SEMA3A: variants seen among roughly 807,000 people sequenced by gnomAD.
SEMA3A encodes the protein semaphorin-3A.
Under a neutral mutation model 97.9 loss-of-function variants are expected in SEMA3A, and 29 were observed. That is an observed-to-expected ratio of 0.30 (90% CI 0.22 to 0.40). SEMA3A has a LOEUF of 0.40. Among genes scored for constraint, SEMA3A ranks in the 10% least tolerant of loss-of-function variants. The pLI, the probability that SEMA3A is intolerant of heterozygous loss-of-function variation, is 1.00. For missense variants in SEMA3A, 763 were observed against 951.3 expected (o/e 0.80, Z 2.60); for synonymous variants, 321 against 323.7 (o/e 0.99, Z 0.09).
rs953640835 is a variant in SEMA3A at position 84,376,496 on chromosome 7, T to C, written c.-245-4596A>G. 3.4e-4 allele frequency among the ~76,000 whole-genome samples: 46 copies of C among 135,012 alleles called. 3 individuals carry two copies. The highest frequency in any genetic ancestry group is 1.1e-3 in the East Asian group (4 of 3,730). 88.6% of individuals were successfully genotyped at this position (135,012 alleles called of 152,430 possible). A position where few individuals can be genotyped will look rare whatever the true frequency, so the allele number is the denominator to read the frequency against. On this transcript the variant is annotated intron_variant, in intron 1 of 3. Transcript: ENST00000424555. ...GCGGGCGCCTGTAGTCCCAGCTACT[T>C]GGGAGGCTGAGGCAGGAGAATGGCG...
intron 3 of SEMA3A, among the ~76,000 whole-genome samples, chr7:84,232,055 C>CAT (rs992279557): frequency 2.9e-4 from 43 of 149,196 alleles, no homozygotes; most frequent in South Asian, 2.3e-3. Context: ...TGTGTGTGTT[C>CAT]ATATATATAT....
chr7:84,227,130 A>T lies in SEMA3A; in HGVS notation c.-82-32462T>A, dbSNP rs79985432. Among the ~76,000 whole-genome samples the T allele has an allele frequency of 0.013, 1,939 of 151,918 alleles. 63 individuals are homozygous for T. The East Asian group carries it at 0.15, about 11-fold the overall frequency. ...TTTTCTCTATTGGCGATATCTATTT[A>T]TATCTATATAGATATCTATATATCT... On this transcript the variant is annotated intron_variant, in intron 3 of 3. Transcript: ENST00000424555.
intron 1 of SEMA3A, among the ~76,000 whole-genome samples, chr7:84,406,793 A>T (rs1176657150): frequency 6.6e-6 from 1 of 152,226 alleles, no homozygotes. Context: ...AGAACCAAAG[A>T]CAAAAACCAC....
intron 2 of SEMA3A, among the ~76,000 whole-genome samples, chr7:84,336,396 ACTT>A (rs766330465): frequency 1.5e-4 from 23 of 152,002 alleles, no homozygotes; most frequent in African/African-American, 4.1e-4. Context: ...GCTCTGGAAA[ACTT>A]CTTCTTTTTT....
chr7:84,209,625 CA>C (rs1369098091), intron 3 of SEMA3A, among the ~76,000 whole-genome samples: 1 of 152,040 alleles, frequency 6.6e-6, no homozygotes, highest in African/African-American at 2.4e-5. Flanking sequence ...AAATTACTGG[CA>C]ATATTTAATT....
chr7:84,246,502 TAA>T (rs1799480290), intron 3 of SEMA3A, among the ~76,000 whole-genome samples: 1 of 152,078 alleles, frequency 6.6e-6, no homozygotes, highest in Non-Finnish European at 1.5e-5. Flanking sequence ...CAAATTAAAA[TAA>T]GACAGAGGTT....
At chr7:84,110,155 A>G (rs1405173495) in intron 4 of SEMA3A, among the ~76,000 whole-genome samples, 1 of 152,144 alleles carries the variant, frequency 6.6e-6, no homozygotes, top group East Asian at 1.9e-4. Context: ...AAGGCTGGCA[A>G]TATACAAATG....
intron 4 of SEMA3A, among the ~76,000 whole-genome samples, chr7:84,102,332 T>C (rs1223835323): frequency 6.6e-6 from 1 of 152,198 alleles, no homozygotes; most frequent in Non-Finnish European, 1.5e-5. Context: ...GTAATGTTTC[T>C]ATTGTGAAAT....
intron 5 of SEMA3A, among the ~76,000 whole-genome samples, chr7:84,049,827 T>C (rs1583872467): frequency 6.7e-6 from 1 of 149,514 alleles, no homozygotes; most frequent in East Asian, 2.0e-4. Context: ...ACTCATCATC[T>C]AGCATTAGGT....
chr7:84,436,464 G>A (rs1805133555), intron 1 of SEMA3A, among the ~76,000 whole-genome samples: 1 of 152,002 alleles, frequency 6.6e-6, no homozygotes, highest in South Asian at 2.1e-4. Flanking sequence ...CAATCTATAA[G>A]GAACTTAAGC....
intron 1 of SEMA3A, among the ~76,000 whole-genome samples, chr7:84,434,741 C>T (rs766479811): frequency 5.9e-5 from 9 of 152,084 alleles, no homozygotes; most frequent in Non-Finnish European, 1.3e-4. Flanking sequence ...ATCACATAAA[C>T]ATAATTAATG....
chr7:84,253,829 G>A (rs908398589), intron 3 of SEMA3A, among the ~76,000 whole-genome samples: 1 of 152,182 alleles, frequency 6.6e-6, no homozygotes, highest in Admixed American at 6.5e-5. Flanking sequence ...TGGTCATCAT[G>A]AATGTGTACC....
At chr7:84,131,881 C>T (rs917394014) in intron 2 of SEMA3A, among the ~76,000 whole-genome samples, 12 of 152,144 alleles carry the variant, frequency 7.9e-5, no homozygotes, top group Non-Finnish European at 1.3e-4. Context: ...CAGGCTTGAC[C>T]TCCAGGGCAA....
chr7:84,155,304 T>C (rs1330838665), intron 1 of SEMA3A, among the ~76,000 whole-genome samples: 1 of 152,158 alleles, frequency 6.6e-6, no homozygotes, highest in Non-Finnish European at 1.5e-5. Context: ...ACATCTCACA[T>C]TGAATTTTCA....
chr7:84,084,168 T>C (rs1035388231), intron 4 of SEMA3A, among the ~76,000 whole-genome samples: 2 of 152,046 alleles, frequency 1.3e-5, no homozygotes, highest in Admixed American at 6.6e-5. Context: ...GGAAGAACCA[T>C]TTATAATTTT....
intron 6 of SEMA3A, among the ~76,000 whole-genome samples, chr7:84,015,983 C>T (rs939144914): frequency 1.3e-5 from 2 of 152,034 alleles, no homozygotes; most frequent in Non-Finnish European, 2.9e-5. Context: ...AAGATCCATA[C>T]AATAATACAA....
At chr7:84,380,635 G>C (rs1803235060) in intron 1 of SEMA3A, among the ~76,000 whole-genome samples, 1 of 152,186 alleles carries the variant, frequency 6.6e-6, no homozygotes, top group African/African-American at 2.4e-5. Context: ...TAAAAAGTTA[G>C]TGGCTGAAAG....
chr7:84,405,210 G>C (rs1634615), intron 1 of SEMA3A, among the ~76,000 whole-genome samples: 48,541 of 151,798 alleles, frequency 0.32, 9,320 homozygotes, highest in African/African-American at 0.54. Flanking sequence ...ATCTACCAAG[G>C]AAATGGAAAA....
rs1156471098 is a variant in SEMA3A at position 84,046,422 on chromosome 7, G to A, written c.569C>T (p.Thr190Ile). The change falls in exon 6 of 17, where the codon ACT (threonine) becomes ATT (isoleucine). Residue 190 changes from threonine to isoleucine, a missense_variant. Transcript: ENST00000265362. ...LLIDGELYSG[T>I]AADFMGRDFA... is the part of the protein sequence containing the mutation. ...GTCTCGCCCCATAAAATCAGCTGCA[G>A]TTCCAGAGTATAATTCTCCATCTGT... The A allele has an allele frequency of 1.8e-5, 29 of 1,612,862 alleles. No individual in the cohort carries two copies. The highest frequency in any genetic ancestry group is 2.5e-5 in the Non-Finnish European group (29 of 1,179,244).
Sources: gnomAD v4.1 joint callset for allele counts (sites outside exome capture counted in the v4.1 genomes callset) on GRCh38, gnomAD v4.1.1 for gene constraint, MANE v1.5 for transcripts, NCBI Gene and HGNC (gene_info 2026-07-23, HGNC 2026-07-21) for gene names.